Variants in MYO1E observed in about 807,000 individuals in gnomAD.
MYO1E encodes myosin IE.
In MYO1E, 68 loss-of-function variants were observed where a neutral mutation model predicts 151.1. The ratio of observed to expected loss-of-function variants is 0.45; its 90% confidence interval spans 0.37 to 0.55. The LOEUF (loss-of-function observed/expected upper bound fraction) is 0.55, where lower values mean the gene tolerates loss of function less well. Among genes scored for constraint, MYO1E ranks in the 20% least tolerant of loss-of-function variants. The pLI, the probability that MYO1E is intolerant of heterozygous loss-of-function variation, is 0.00. For synonymous variants in MYO1E, 601 were observed against 501.7 expected, an observed-to-expected ratio of 1.20 and a Z score of -2.64; for missense variants, 1,363 against 1,389.3, an observed-to-expected ratio of 0.98 and a Z score of 0.30.
chr15:59,253,093 T>C (rs1438946125), intron 4 of MYO1E, among the ~76,000 whole-genome samples: 1 of 152,194 alleles, frequency 6.6e-6, no homozygotes, highest in African/African-American at 2.4e-5. Context: ...TTGAAAAGTA[T>C]AACTGCAATG....
In MYO1E at chr15:59,227,525, G is replaced by A; in HGVS notation, c.576C>T (p.Phe192=). The stretch of plus-strand genomic sequence containing the variant: ...TCACCACCCTAGATTTTTCCAGAAG[G>A]AAGTTGGAGATCTTTCCACCATCTG... The part of the protein sequence containing the change: ...GEPDGGKISN[F]LLEKSRVVMR... The change falls in exon 7 of 28, where the codon TTC becomes TTT. Residue 192 remains phenylalanine (F), a synonymous_variant. Coordinates refer to ENST00000288235, the MANE Select transcript of MYO1E (RefSeq NM_004998.4). The A allele has an allele frequency of 6.2e-7, 1 of 1,614,164 alleles. No homozygotes were observed. The highest frequency in any genetic ancestry group is 8.5e-7 in the Non-Finnish European group (1 of 1,180,004).
chr15:59,277,561 A>AAAACAACAACAAC (rs1555416376), intron 1 of MYO1E, among the ~76,000 whole-genome samples: 7 of 145,976 alleles, frequency 4.8e-5, no homozygotes, highest in Admixed American at 6.8e-5. Flanking sequence ...AAAAAAAAAA[A>AAAACAACAACAAC]AAAAAAAAAA....
intron 26 of MYO1E, among the ~76,000 whole-genome samples, chr15:59,143,160 G>T (rs1348057584): frequency 2.0e-5 from 3 of 152,170 alleles, no homozygotes; most frequent in Non-Finnish European, 4.4e-5. Flanking sequence ...ATTACCCGGG[G>T]AATTTGGGGT....
rs1188171567 is a variant in MYO1E, at chr15:59,339,219, A to G, written c.3+33279T>C. On this transcript the variant is annotated intron_variant, in intron 1 of 27. Coordinates refer to ENST00000288235, the MANE Select transcript of MYO1E (RefSeq NM_004998.4). ...CTCTTCCATTTTATCAAACCTCAAT[A>G]GACAGAAACCTTTCAGAGCCTTCCT... Among the ~76,000 whole-genome samples the G allele has an allele frequency of 1.8e-4, 27 of 152,258 alleles. 1 individual carries two copies. The highest frequency in any genetic ancestry group is 1.5e-3 in the Admixed American group (23 of 15,288).
At chr15:59,281,304 C>G (rs1362933491) in intron 1 of MYO1E, among the ~76,000 whole-genome samples, 1 of 148,170 alleles carries the variant, frequency 6.7e-6, no homozygotes, top group Non-Finnish European at 1.5e-5. Flanking sequence ...GAGAAAGAGT[C>G]TTGCTCTGTC....
intron 10 of MYO1E, among the ~76,000 whole-genome samples, chr15:59,216,677 TATATATATACACATACAC>T (rs1216428816): frequency 3.3e-5 from 1 of 30,178 alleles, no homozygotes. Context: ...TATATATATA[TATATATATACACATACAC>T]ACACACACAC....
intron 10 of MYO1E, among the ~76,000 whole-genome samples, chr15:59,215,559 T>C (rs2079908322): frequency 6.6e-6 from 1 of 151,988 alleles, no homozygotes; most frequent in Admixed American, 6.6e-5. Context: ...TGGTGGGGGA[T>C]GCAGTGGGGG....
At chr15:59,301,087 T>C (rs2080480076) in intron 1 of MYO1E, among the ~76,000 whole-genome samples, 1 of 152,048 alleles carries the variant, frequency 6.6e-6, no homozygotes, top group African/African-American at 2.4e-5. Flanking sequence ...AGGCTGGTCT[T>C]GAAATCCTGA....
intron 1 of MYO1E, among the ~76,000 whole-genome samples, chr15:59,308,293 T>C (rs2140408558): frequency 6.9e-6 from 1 of 144,874 alleles, no homozygotes; most frequent in East Asian, 2.1e-4. Flanking sequence ...CCCAGCACTT[T>C]GGGAGGCTGA....
At chr15:59,268,693 T>A (rs1428462328) in intron 2 of MYO1E, among the ~76,000 whole-genome samples, 3 of 144,388 alleles carry the variant, frequency 2.1e-5, no homozygotes, top group Admixed American at 7.4e-5. Flanking sequence ...AACTAACCTT[T>A]GGTGATGGGT....
intron 2 of MYO1E, chr15:59,264,911 CCTG>C (rs1300277326): frequency 6.6e-6 from 1 of 152,088 alleles, no homozygotes; most frequent in Non-Finnish European, 1.5e-5. Flanking sequence ...GCCTGTAGTT[CCTG>C]CTGAGGTGGG....
chr15:59,322,524 T>C (rs1323891866), intron 1 of MYO1E, among the ~76,000 whole-genome samples: 1 of 152,178 alleles, frequency 6.6e-6, no homozygotes, highest in Non-Finnish European at 1.5e-5. Context: ...ATCCAGATCA[T>C]ATGAGTGTTT....
chr15:59,331,689 T>C (rs1208875791), intron 1 of MYO1E, among the ~76,000 whole-genome samples: 2 of 152,222 alleles, frequency 1.3e-5, no homozygotes, highest in Non-Finnish European at 2.9e-5. Context: ...CCTTCCACCA[T>C]CTAAATTTCA....
chr15:59,157,084 G>C (rs1327567087), intron 25 of MYO1E, among the ~76,000 whole-genome samples: 1 of 151,764 alleles, frequency 6.6e-6, no homozygotes, highest in Non-Finnish European at 1.5e-5. Context: ...AAAAGAGCCA[G>C]GTGTGGTGGT....
intron 1 of MYO1E, among the ~76,000 whole-genome samples, chr15:59,335,085 C>A (rs750547020): frequency 9.2e-5 from 14 of 152,224 alleles, no homozygotes; most frequent in African/African-American, 1.4e-4. Flanking sequence ...TCACACCACA[C>A]TGGGTCAAAC....
At chr15:59,179,419 G>A (rs1188303909) in intron 18 of MYO1E, among the ~76,000 whole-genome samples, 1 of 152,210 alleles carries the variant, frequency 6.6e-6, no homozygotes, top group African/African-American at 2.4e-5. Context: ...TGCCACATCT[G>A]TGTGGCTCCT....
chr15:59,343,488 T>C (rs2080777061), intron 1 of MYO1E, among the ~76,000 whole-genome samples: 1 of 152,190 alleles, frequency 6.6e-6, no homozygotes, highest in South Asian at 2.1e-4. Context: ...CTTGAGGTAA[T>C]TTCCTTTTAG....
chr15:59,252,973 C>G (rs1467734460), intron 4 of MYO1E, among the ~76,000 whole-genome samples: 1 of 152,138 alleles, frequency 6.6e-6, no homozygotes, highest in East Asian at 1.9e-4. Context: ...ACAAGATGAG[C>G]TAGAAGATCT....
chr15:59,343,270 GC>G (rs1439723150), intron 1 of MYO1E, among the ~76,000 whole-genome samples: 10 of 151,284 alleles, frequency 6.6e-5, no homozygotes, highest in Non-Finnish European at 1.5e-5. Context: ...GGATATTTTT[GC>G]CAGATATACC....
Sources: allele counts gnomAD v4.1 joint callset (sites outside exome capture counted in the v4.1 genomes callset), GRCh38; gene constraint gnomAD v4.1.1; transcripts MANE v1.5; gene names NCBI Gene and HGNC (gene_info 2026-07-23, HGNC 2026-07-21).